The following AKAP11 variants were observed in gnomAD, a reference collection of about 807,000 sequenced individuals.
AKAP11 encodes the protein A-kinase anchoring protein 11.
A neutral mutation model predicts 146.1 loss-of-function variants in AKAP11; 36 were observed. The ratio of observed to expected loss-of-function variants is 0.25; its 90% confidence interval spans 0.19 to 0.33. AKAP11 has a LOEUF of 0.33. Ranked by LOEUF, AKAP11 falls within the 10% of genes least tolerant of loss-of-function variation. The pLI is 1.00. For synonymous variants in AKAP11, 780 were observed against 786.5 expected, an observed-to-expected ratio of 0.99 and a Z score of 0.14; for missense variants, 2,201 against 2,197.0, an observed-to-expected ratio of 1.00 and a Z score of -0.04.
At chr13:42,308,319 A>G (rs775908003) in intron 8 of AKAP11, 135 bp from the exon 9 acceptor site, 10 of 684,150 alleles carry the variant, frequency 1.5e-5, no homozygotes, top group Non-Finnish European at 2.3e-5. Context: ...CAAATAAAGG[A>G]TTACATGAGC....
intron 1 of AKAP11, among the ~76,000 whole-genome samples, chr13:42,283,896 T>C (rs1202307974): frequency 6.6e-6 from 1 of 152,240 alleles, no homozygotes; most frequent in Non-Finnish European, 1.5e-5. Flanking sequence ...GGAATGAACC[T>C]AAGATCATTT....
chr13:42,301,159 C>T lies in AKAP11; in HGVS notation c.2413C>T (p.Leu805=), dbSNP rs748775838. ...SSTACQAKAH[L]SSDDSNSNGD... ...TACTGCATGTCAGGCCAAGGCTCAT[C>T]TGTCATCTGATGATAGTAATTCAAA... The change falls in exon 8 of 13, where the codon CTG becomes TTG. Residue 805 remains leucine (L), a synonymous_variant. Coordinates refer to ENST00000025301, the MANE Select transcript of AKAP11 (RefSeq NM_016248.4). 7 of 1,613,984 alleles carry T rather than the reference C, an allele frequency of 4.3e-6. No homozygotes were observed. The highest frequency in any genetic ancestry group is 4.0e-5 in the African/African-American group (3 of 74,918).
chr13:42,316,479 T>C (rs1960826327), intron 11 of AKAP11, among the ~76,000 whole-genome samples: 1 of 152,226 alleles, frequency 6.6e-6, no homozygotes, highest in African/African-American at 2.4e-5. Flanking sequence ...TGGATCCCTC[T>C]TTGTGATGAA....
rs749168386 is a variant in AKAP11, at chr13:42,299,435, C to T, written c.689C>T (p.Thr230Ile). The change falls in exon 8 of 13, where the codon ACC becomes ATC. Residue 230 changes from threonine (T) to isoleucine (I), a missense_variant. Coordinates refer to ENST00000025301, the MANE Select transcript of AKAP11 (RefSeq NM_016248.4). ...ACGGTTACTGGTCATCATTTAGAAA[C>T]CCATGATTTAAAGATTCTCATTAGC... ...SQTVTGHHLE[T>I]HDLKILISSG... is the part of the protein sequence containing the mutation. 1.3e-4 allele frequency: 202 copies of T among 1,613,742 alleles called. 4 individuals carry two copies. In the South Asian group the frequency reaches 1.9e-3, roughly 15 times the overall value.
At chr13:42,281,573 A>G (rs1318818504) in intron 1 of AKAP11, among the ~76,000 whole-genome samples, 1 of 152,174 alleles carries the variant, frequency 6.6e-6, no homozygotes, top group Non-Finnish European at 1.5e-5. Flanking sequence ...GAGAATATAT[A>G]TTTTTTAATT....
At chr13:42,304,476 C>T (rs929541188) in intron 8 of AKAP11, among the ~76,000 whole-genome samples, 2 of 152,172 alleles carry the variant, frequency 1.3e-5, no homozygotes, top group African/African-American at 4.8e-5. Flanking sequence ...TGTCTTAGAT[C>T]ATATCCCCCA....
chr13:42,274,024 A>C (rs1211635567), intron 1 of AKAP11, among the ~76,000 whole-genome samples: 1 of 152,228 alleles, frequency 6.6e-6, no homozygotes, highest in East Asian at 1.9e-4. Context: ...TTAGCAAACT[A>C]ATTTTCAGAA....
In AKAP11 at chr13:42,300,018, T is replaced by C; in HGVS notation, c.1272T>C (p.Tyr424=). 1 of 1,613,942 alleles carries C rather than the reference T, an allele frequency of 6.2e-7. No individual in the cohort carries two copies. The highest frequency in any genetic ancestry group is 8.5e-7 in the Non-Finnish European group (1 of 1,179,834). Residue 424 remains tyrosine (Y), a synonymous_variant, in exon 8 of 13, where the codon TAT becomes TAC. Transcript: ENST00000025301. ...KPTPRKPESP[Y]GNLCDAPDSP... ...CTCCTCGTAAACCAGAATCTCCATA[T>C]GGTAACCTGTGTGATGCTCCGGATT...
intron 1 of AKAP11, among the ~76,000 whole-genome samples, chr13:42,284,155 A>G (rs1244550923): frequency 6.6e-6 from 1 of 152,212 alleles, no homozygotes; most frequent in Non-Finnish European, 1.5e-5. Context: ...AGTCTTAAGG[A>G]CAACATGAGA....
At chr13:42,278,833 C>G (rs189465707) in intron 1 of AKAP11, among the ~76,000 whole-genome samples, 5 of 152,032 alleles carry the variant, frequency 3.3e-5, no homozygotes, top group African/African-American at 1.2e-4. Context: ...TAGTGGTGGT[C>G]AACTGGTGGT....
At chr13:42,280,476 C>T (rs138011115) in intron 1 of AKAP11, among the ~76,000 whole-genome samples, 1 of 152,306 alleles carries the variant, frequency 6.6e-6, no homozygotes, top group East Asian at 1.9e-4. Flanking sequence ...TATTTGAAGG[C>T]ATACTTTGCT....
rs756990502 is a variant in AKAP11, at chr13:42,303,388, G to A, written c.4642G>A (p.Val1548Met). ...QAVEQYAKKV[V>M]DDTLELTLGS... ...TGTAGAACAGTATGCCAAAAAAGTA[G>A]TGGATGACACTCTAGAGCTAACTCT... is the stretch of plus-strand genomic sequence containing the variant. Residue 1548 changes from valine to methionine, a missense_variant, in exon 8 of 13, where the codon GTG (valine) becomes ATG (methionine). Physicochemically the swap from Val to Met is conservative, Grantham distance 21. Transcript: ENST00000025301. 7.4e-6 allele frequency: 12 copies of A among 1,613,820 alleles called. No individual in the cohort carries two copies. In the South Asian group the frequency reaches 8.8e-5, roughly 12 times the overall value.
rs762074863 is a variant in AKAP11 at position 42,298,628 on chromosome 13, T to C, written c.447T>C (p.Ala149=). The C allele has an allele frequency of 1.9e-6, 3 of 1,612,458 alleles. No homozygotes were observed. Among genetic ancestry groups the C allele is most frequent in the African/African-American group, 1.3e-5 (1 of 74,976 alleles). Residue 149 remains alanine (A), a synonymous_variant, in exon 7 of 13, where the codon GCT becomes GCC. Coordinates refer to ENST00000025301, the MANE Select transcript of AKAP11 (RefSeq NM_016248.4). The stretch of plus-strand genomic sequence containing the variant: ...TCTTTAGTCTCCTAAGTAAATATGC[T>C]ACTGGTATAAGGTACACCTTGGACA... ...DFIFSLLSKY[A]TGIRYTLDTF...
rs1284603570 is a variant in AKAP11, at chr13:42,300,772, T to C, written c.2026T>C (p.Cys676Arg). The change falls in exon 8 of 13, where the codon TGT (cysteine) becomes CGT (arginine). Residue 676 changes from cysteine to arginine, a missense_variant. Physicochemically the swap from Cys to Arg is radical, Grantham distance 180. Transcript: ENST00000025301. ...TCCTCAAACGCCTGCATCTCCACAG[T>C]GTGGGTCGTTTGACTTTGAAGACAA... Reference protein sequence around the residue: ...SYPQTPASPQCGSFDFEDKVV... With the variant: ...SYPQTPASPQRGSFDFEDKVV... 2 of 1,613,954 alleles carry C rather than the reference T, an allele frequency of 1.2e-6. No individual in the cohort carries two copies. The highest frequency in any genetic ancestry group is 1.7e-6 in the Non-Finnish European group (2 of 1,179,978).
In AKAP11 at chr13:42,301,277, C is replaced by T. The variant is rs1463075967; in HGVS notation, c.2531C>T (p.Pro844Leu). The T allele has an allele frequency of 1.9e-6, 3 of 1,613,668 alleles. No homozygotes were observed. The highest frequency in any genetic ancestry group is 2.5e-6 in the Non-Finnish European group (3 of 1,179,934). The change falls in exon 8 of 13, where the codon CCA becomes CTA. Residue 844 changes from proline (P) to leucine (L), a missense_variant. By Grantham distance (98) the Pro-to-Leu change is moderately conservative. Around this residue, in one of 3 missense-constraint regions of AKAP11, gnomAD observed 1,867 missense variants for 1,833.5 expected, o/e 1.02. Coordinates refer to ENST00000025301, the MANE Select transcript of AKAP11 (RefSeq NM_016248.4). The stretch of plus-strand genomic sequence containing the variant: ...ATTTGTTTACCTTCAGAACACAATC[C>T]AGGTAATCAGAATGATTTTAAACCA... Reference protein sequence around the residue: ...RNICLPSEHNPGNQNDFKPTN... With the variant: ...RNICLPSEHNLGNQNDFKPTN...
intron 3 of AKAP11, among the ~76,000 whole-genome samples, chr13:42,287,519 C>T (rs1255259844): frequency 3.3e-5 from 5 of 152,010 alleles, no homozygotes; most frequent in South Asian, 2.1e-4. Context: ...CTCCTGACCT[C>T]GTGATCTGCC....
In AKAP11 at chr13:42,302,467, G is replaced by T; in HGVS notation, c.3721G>T (p.Val1241Leu). 6.2e-7 allele frequency: 1 copy of T among 1,614,194 alleles called. No individual in the cohort carries two copies. Among genetic ancestry groups the T allele is most frequent in the African/African-American group, 1.3e-5 (1 of 75,064 alleles). ...PCLNVQSQRS[V>L]SPTFLNPSDE... ...CTTAAATGTGCAAAGTCAAAGAAGT[G>T]TGTCGCCTACTTTTTTAAACCCCTC... Residue 1241 changes from valine to leucine, a missense_variant, in exon 8 of 13, where the codon GTG becomes TTG. Val to Leu is a conservative substitution (Grantham distance 32). Transcript: ENST00000025301.
Position 42,301,269 on chromosome 13 carries a change from A to T in AKAP11, c.2523A>T (p.Glu841Asp). ...TCAGAAATATTTGTTTACCTTCAGAACACAATCCAGGTAATCAGAATGATT... is the reference window on the plus strand; with the variant it reads ...TCAGAAATATTTGTTTACCTTCAGATCACAATCCAGGTAATCAGAATGATT... ...ACLRNICLPS[E>D]HNPGNQNDFK... The change falls in exon 8 of 13, where the codon GAA becomes GAT. Residue 841 changes from glutamate to aspartate, a missense_variant. Physicochemically the swap from Glu to Asp is conservative, Grantham distance 45 (BLOSUM62 2). Transcript: ENST00000025301. The T allele has an allele frequency of 6.2e-7, 1 of 1,613,912 alleles. No individual in the cohort carries two copies.
chr13:42,287,507 A>G (rs1469236497), intron 3 of AKAP11, among the ~76,000 whole-genome samples: 1 of 151,886 alleles, frequency 6.6e-6, no homozygotes, highest in Non-Finnish European at 1.5e-5. Context: ...GATGATCGCG[A>G]TCTCCTGACC....
Sources: allele counts gnomAD v4.1 joint callset (sites outside exome capture counted in the v4.1 genomes callset), GRCh38; gene constraint gnomAD v4.1.1; regional missense constraint gnomAD v4.1.1; transcripts MANE v1.5; gene names NCBI Gene and HGNC (gene_info 2026-07-23, HGNC 2026-07-21).